SSC4D: variants seen among roughly 807,000 people sequenced by gnomAD.
SSC4D encodes scavenger receptor cysteine rich family member with 4 domains, also known as scavenger receptor cysteine-rich domain-containing group B protein.
SSC4D carries 57 observed loss-of-function variants against 63.4 expected under a neutral mutation model. The observed-to-expected ratio is 0.90, with a 90% CI of 0.73 to 1.12. The LOEUF is 1.12. Among genes scored for constraint, SSC4D ranks in the 50% most tolerant of loss-of-function variants. SSC4D has a pLI of 0.00. For synonymous variants in SSC4D, 352 were observed against 345.4 expected, an observed-to-expected ratio of 1.02 and a Z score of -0.21; for missense variants, 791 against 806.4, an observed-to-expected ratio of 0.98 and a Z score of 0.23.
At chr7:76,390,550 G>C (rs1313954988) in intron 10 of SSC4D, among the ~76,000 whole-genome samples, 175 bp from the exon 11 acceptor site, 1 of 152,230 alleles carries the variant, frequency 6.6e-6, no homozygotes, top group African/African-American at 2.4e-5. Context: ...GGGCACAATG[G>C]CTCACGCCTG....
intron 7 of SSC4D, 41 bp downstream of exon 7, chr7:76,395,212 C>G (rs759524515): frequency 1.2e-6 from 2 of 1,609,156 alleles, no homozygotes; most frequent in Non-Finnish European, 1.7e-6. Context: ...CCGCACCCAC[C>G]ATACCCCTAC....
chr7:76,392,402 T>G (rs943326578), intron 9 of SSC4D, among the ~76,000 whole-genome samples: 6 of 151,756 alleles, frequency 4.0e-5, no homozygotes, highest in African/African-American at 2.4e-5. Flanking sequence ...ATACAAAAAT[T>G]AGCCAGGCGT....
In SSC4D at chr7:76,393,631, G is replaced by C; in HGVS notation, c.1107C>G (p.Cys369Trp). Residue 369 changes from cysteine to tryptophan, a missense_variant, in exon 9 of 11, where the codon TGC (cysteine) becomes TGG (tryptophan). Transcript: ENST00000275560. Reference sequence around the variant, plus strand: ...CGTCCGCAAAGTCCCAGTCATCGTCGCACACGGTGCCCCAGCCCCCGGCGT... The same window carrying C: ...CGTCCGCAAAGTCCCAGTCATCGTCCCACACGGTGCCCCAGCCCCCGGCGT... ...VLHAGGWGTVCDDDWDFADAR... is the reference protein window; with the variant it reads ...VLHAGGWGTVWDDDWDFADAR... 1 of 1,493,774 alleles carries C rather than the reference G, an allele frequency of 6.7e-7. No homozygotes were observed. The highest frequency in any genetic ancestry group is 8.9e-7 in the Non-Finnish European group (1 of 1,127,806). The allele number at this position is 1,493,774 out of a possible 1,614,324, so 92.5% of individuals were successfully genotyped here. A position where few individuals can be genotyped will look rare whatever the true frequency, so the allele number is the denominator to read the frequency against.
intron 1 of SSC4D, among the ~76,000 whole-genome samples, chr7:76,406,599 T>C (rs1195588335): frequency 6.6e-6 from 1 of 151,942 alleles, no homozygotes; most frequent in Non-Finnish European, 1.5e-5. Flanking sequence ...TCCTCCCGTC[T>C]CAGCCTCCTG....
rs182322273 is a variant in SSC4D, at chr7:76,390,319, G to C, written c.1468C>G (p.Leu490Val). Residue 490 changes from leucine (L) to valine (V), a missense_variant, in exon 11 of 11, where the codon CTA becomes GTA. By Grantham distance (32) the Leu-to-Val change is conservative (BLOSUM62 1). Transcript: ENST00000275560. ...CAGACAGTGCCCCACCGTTGCCCTA[G>C]GTAGAGCTCTACACGTCCCTCGCAT... ...HRCEGRVELY[L>V]GQRWGTVCDD... 1.4e-5 allele frequency: 22 copies of C among 1,607,922 alleles called. No homozygotes were observed. In the African/African-American group the frequency reaches 2.0e-4, roughly 15 times the overall value.
intron 5 of SSC4D, among the ~76,000 whole-genome samples, chr7:76,398,072 T>C (rs1804699352): frequency 6.6e-6 from 1 of 152,086 alleles, no homozygotes. Context: ...ACGTGCTGCC[T>C]TCTCATCTAC....
chr7:76,402,437 C>T (rs2115791638), intron 2 of SSC4D, among the ~76,000 whole-genome samples: 1 of 152,214 alleles, frequency 6.6e-6, no homozygotes, highest in South Asian at 2.1e-4. Context: ...CTGCCTCAGC[C>T]TCCCAAAGTG....
At chr7:76,407,027 C>G (rs904330452) in intron 1 of SSC4D, among the ~76,000 whole-genome samples, 1 of 152,176 alleles carries the variant, frequency 6.6e-6, no homozygotes, top group Non-Finnish European at 1.5e-5. Flanking sequence ...GTGGCCTGAT[C>G]TCAGCTCACT....
chr7:76,393,784 G>C, intron 8 of SSC4D, 46 bp downstream of exon 8: 1 of 1,532,478 alleles, frequency 6.5e-7, no homozygotes, highest in Middle Eastern at 1.8e-4. Context: ...CAGAGCCCCA[G>C]CCCTACCCTT....
At chr7:76,393,204 T>A (rs989900280) in intron 9 of SSC4D, among the ~76,000 whole-genome samples, 2 of 151,836 alleles carry the variant, frequency 1.3e-5, no homozygotes, top group Admixed American at 1.3e-4. Flanking sequence ...CATTTTCCAC[T>A]GCAGAAGGCT....
At chr7:76,406,936 C>T (rs1330410471) in intron 1 of SSC4D, among the ~76,000 whole-genome samples, 1 of 151,842 alleles carries the variant, frequency 6.6e-6, no homozygotes. Context: ...TTTATTGGCA[C>T]ATTTCTTCTG....
chr7:76,404,512 T>C lies in SSC4D; in HGVS notation c.-66-7A>G, dbSNP rs1804937089. The C allele has an allele frequency of 6.2e-7, 1 of 1,609,972 alleles. No homozygotes were observed. The highest frequency in any genetic ancestry group is 1.3e-5 in the African/African-American group (1 of 74,830). On this transcript the variant is annotated splice_polypyrimidine_tract_variant and splice_region_variant and intron_variant, in intron 1 of 10. Coordinates refer to ENST00000275560, the MANE Select transcript of SSC4D (RefSeq NM_080744.2). ...GAAGTCACAGTTGGAACATCTGAAA[T>C]TAAAGATCCCAAATGTTGCTGGGCC...
chr7:76,397,821 C>T lies in SSC4D; in HGVS notation c.565G>A (p.Val189Ile), dbSNP rs1455559504. 4 of 1,580,290 alleles carry T rather than the reference C, an allele frequency of 2.5e-6. No homozygotes were observed. The highest frequency in any genetic ancestry group is 3.4e-6 in the Non-Finnish European group (4 of 1,160,442). Reference protein sequence around the residue: ...TLPNGKSEGSVRLVGGANLCQ... With the variant: ...TLPNGKSEGSIRLVGGANLCQ... ...AGGTTCGCGCCCCCTACCAGGCGTA[C>T]GCTGCCCTCACCTGGGGATGGGGGC... The change falls in exon 6 of 11, where the codon GTA becomes ATA. Residue 189 changes from valine to isoleucine, a missense_variant. Physicochemically the swap from Val to Ile is conservative, Grantham distance 29. Transcript: ENST00000275560.
In SSC4D at chr7:76,398,730, C is replaced by T. The variant is rs145074742; in HGVS notation, c.543G>A (p.Pro181=). The T allele has an allele frequency of 1.3e-4, 203 of 1,613,194 alleles. 1 individual carries two copies. The African/African-American group carries it at 2.4e-3, about 19-fold the overall frequency. The change falls in exon 5 of 11, where the codon CCG becomes CCA. Residue 181 remains proline (P), a synonymous_variant. Coordinates refer to ENST00000275560, the MANE Select transcript of SSC4D (RefSeq NM_080744.2). ...LTSRAPPTTL[P]NGKSEGSVRL... The stretch of plus-strand genomic sequence containing the variant: ...ATTATGCTTACGTACTTTTTCCATT[C>T]GGCAGTGTCGTAGGAGGTGCTCTAC...
intron 6 of SSC4D, among the ~76,000 whole-genome samples, chr7:76,396,718 T>C (rs1804649058): frequency 6.6e-6 from 1 of 152,190 alleles, no homozygotes; most frequent in African/African-American, 2.4e-5. Flanking sequence ...AGCCCTTAGT[T>C]TGCTATGAGT....
intron 9 of SSC4D, among the ~76,000 whole-genome samples, chr7:76,392,312 G>T (rs1192635023): frequency 6.6e-6 from 1 of 152,122 alleles, no homozygotes; most frequent in Non-Finnish European, 1.5e-5. Context: ...ACTTTGGGAG[G>T]CCGAGGCGGG....
At chr7:76,406,286 C>T (rs1336473476) in intron 1 of SSC4D, among the ~76,000 whole-genome samples, 1 of 152,064 alleles carries the variant, frequency 6.6e-6, no homozygotes, top group Non-Finnish European at 1.5e-5. Flanking sequence ...TCTGTGCATT[C>T]GAAATATAGT....
chr7:76,399,875 C>A (rs1804758974), intron 4 of SSC4D, among the ~76,000 whole-genome samples: 1 of 152,116 alleles, frequency 6.6e-6, no homozygotes, highest in African/African-American at 2.4e-5. Context: ...TGACTTGGAC[C>A]TGTAGTTCCA....
In SSC4D at chr7:76,390,186, G is replaced by T. The variant is rs767482159; in HGVS notation, c.1601C>A (p.Pro534His). The change falls in exon 11 of 11, where the codon CCC (proline) becomes CAC (histidine). Residue 534 changes from proline to histidine, a missense_variant. Physicochemically the swap from Pro to His is moderately conservative, Grantham distance 77. Transcript: ENST00000275560. ...GCACTTGACATTGTCCAGGAGAATG[G>T]GGCCTCGGCCTGGGCCAAAGTGAGC... ...GEAHFGPGRG[P>H]ILLDNVKCRG... The T allele has an allele frequency of 5.6e-6, 9 of 1,614,246 alleles. No homozygotes were observed. The South Asian group carries it at 9.9e-5, about 18-fold the overall frequency.
Sources: allele counts gnomAD v4.1 joint callset (sites outside exome capture counted in the v4.1 genomes callset), GRCh38; gene constraint gnomAD v4.1.1; transcripts MANE v1.5; gene names NCBI Gene and HGNC (gene_info 2026-07-23, HGNC 2026-07-21).